Variants in SUCLG2 observed in about 807,000 individuals in gnomAD.
The protein encoded by SUCLG2 is succinate-CoA ligase GDP-forming subunit beta.
In SUCLG2, 42 loss-of-function variants were observed where a neutral mutation model predicts 47.9. That is an observed-to-expected ratio of 0.88 (90% CI 0.69 to 1.14). The LOEUF (loss-of-function observed/expected upper bound fraction) is 1.14. Among genes scored for constraint, SUCLG2 ranks in the 50% most tolerant of loss-of-function variants. SUCLG2 has a pLI of 0.00. For synonymous variants in SUCLG2, 195 were observed against 197.3 expected (o/e 0.99, Z 0.10); for missense variants, 571 against 525.9 (o/e 1.09, Z -0.84).
chr3:67,641,971 G>A lies in SUCLG2; in HGVS notation c.84+12532C>T, dbSNP rs145829487. Among the ~76,000 whole-genome samples, 1,025 of 152,218 alleles carry A rather than the reference G, an allele frequency of 6.7e-3. 11 individuals carry two copies. Among genetic ancestry groups the A allele is most frequent in the African/African-American group, 0.024 (993 of 41,528 alleles). ...GCTTTCTCCCTGGGCGTGTGTGCCC[G>A]AGTATAAATTTTCTCTTTTTATAAA... On this transcript the variant is annotated intron_variant, in intron 1 of 10. Transcript: ENST00000307227.
At chr3:67,553,216 A>G (rs1707064363) in intron 2 of SUCLG2, among the ~76,000 whole-genome samples, 1 of 152,168 alleles carries the variant, frequency 6.6e-6, no homozygotes, top group South Asian at 2.1e-4. Flanking sequence ...TTGGCATCCA[A>G]TGTGGCATCC....
At chr3:67,404,845 A>G (rs779301083) in intron 9 of SUCLG2, among the ~76,000 whole-genome samples, 5 of 152,308 alleles carry the variant, frequency 3.3e-5, no homozygotes, top group Non-Finnish European at 7.3e-5. Flanking sequence ...AGCATTTATA[A>G]AGCATGTCAA....
chr3:67,604,978 T>C (rs576700357), intron 2 of SUCLG2, among the ~76,000 whole-genome samples: 1 of 152,182 alleles, frequency 6.6e-6, no homozygotes, highest in Non-Finnish European at 1.5e-5. Flanking sequence ...ATTAACAGGA[T>C]AGTTATTACG....
rs79922990 is a variant in SUCLG2, at chr3:67,533,447, C to T, written c.227-4261G>A. ...TATCCAGTTCTCAGCACAACTGCAT[C>T]GTGTAATATGTAGCATGGCAATCAC... On this transcript the variant is annotated intron_variant, in intron 2 of 10. Coordinates refer to ENST00000307227, the MANE Select transcript of SUCLG2 (RefSeq NM_003848.4). 5.3e-3 allele frequency among the ~76,000 whole-genome samples: 807 copies of T among 152,226 alleles called. 7 individuals are homozygous for T. Among genetic ancestry groups the T allele is most frequent in the African/African-American group, 0.018 (743 of 41,546 alleles).
chr3:67,478,994 A>G (rs1272624505), intron 9 of SUCLG2, among the ~76,000 whole-genome samples: 2 of 152,232 alleles, frequency 1.3e-5, no homozygotes, highest in African/African-American at 4.8e-5. Context: ...AGAGCTAGAG[A>G]TGCCCAGGAT....
chr3:67,552,634 C>T (rs1707047492), intron 2 of SUCLG2, among the ~76,000 whole-genome samples: 1 of 152,332 alleles, frequency 6.6e-6, no homozygotes, highest in South Asian at 2.1e-4. Context: ...TCAACTCTTT[C>T]TACTTAGCTG....
At chr3:67,450,759 T>C (rs1199523408) in intron 9 of SUCLG2, among the ~76,000 whole-genome samples, 2 of 152,246 alleles carry the variant, frequency 1.3e-5, no homozygotes, top group Non-Finnish European at 2.9e-5. Context: ...TTGTAAAAGA[T>C]AACAACATCA....
At chr3:67,480,995 A>G (rs749560068) in intron 9 of SUCLG2, among the ~76,000 whole-genome samples, 2 of 150,554 alleles carry the variant, frequency 1.3e-5, no homozygotes, top group African/African-American at 2.4e-5. Context: ...TTTGGCATCA[A>G]GATGTACAAT....
At chr3:67,437,069 T>C (rs1289055561) in intron 9 of SUCLG2, among the ~76,000 whole-genome samples, 1 of 152,218 alleles carries the variant, frequency 6.6e-6, no homozygotes, top group African/African-American at 2.4e-5. Context: ...ATTATTAATT[T>C]TGTATATTTC....
chr3:67,605,206 C>T (rs1700387176), intron 2 of SUCLG2, among the ~76,000 whole-genome samples: 1 of 152,160 alleles, frequency 6.6e-6, no homozygotes, highest in African/African-American at 2.4e-5. Flanking sequence ...AAGATGTGTG[C>T]ATAATCCAGT....
intron 5 of SUCLG2, 67 bp downstream of exon 5, chr3:67,520,415 A>G (rs1706064281): frequency 6.2e-7 from 1 of 1,606,628 alleles, no homozygotes; most frequent in Non-Finnish European, 8.5e-7. Context: ...TAGACTCCCC[A>G]TTAAATATTT....
At chr3:67,427,638 T>C (rs548954374) in intron 9 of SUCLG2, among the ~76,000 whole-genome samples, 10 of 152,184 alleles carry the variant, frequency 6.6e-5, no homozygotes, top group African/African-American at 2.2e-4. Flanking sequence ...GTGCAGCCCA[T>C]GGAGCACGAG....
At position 67,537,552 on chromosome 3, in the gene SUCLG2, T is replaced by C. The variant is rs546954805; in HGVS notation, c.227-8366A>G. On this transcript the variant is annotated intron_variant, in intron 2 of 10. Coordinates refer to ENST00000307227, the MANE Select transcript of SUCLG2 (RefSeq NM_003848.4). ...CATACGTGTGCATGTGTCTATATAG[T>C]AGAATGATTTATAATCCTTTGGGTA... 1.1e-3 allele frequency among the ~76,000 whole-genome samples: 167 copies of C among 152,318 alleles called. 1 individual carries two copies. The highest frequency in any genetic ancestry group is 1.8e-3 in the Non-Finnish European group (125 of 68,014).
At chr3:67,395,518 T>C (rs531702926) in intron 10 of SUCLG2, among the ~76,000 whole-genome samples, 13 of 152,152 alleles carry the variant, frequency 8.5e-5, no homozygotes, top group Non-Finnish European at 1.6e-4. Flanking sequence ...CCCAGATTCA[T>C]AAAGCAAGTC....
At chr3:67,408,956 C>A (rs1422595812) in intron 9 of SUCLG2, 1 of 1,534,524 alleles carries the variant, frequency 6.5e-7, no homozygotes, top group African/African-American at 1.4e-5. Context: ...CCATATTGGT[C>A]CTATTTCCAA....
At chr3:67,636,234 A>C (rs1021069395) in intron 1 of SUCLG2, among the ~76,000 whole-genome samples, 111 of 152,336 alleles carry the variant, frequency 7.3e-4, no homozygotes, top group Middle Eastern at 3.4e-3. Context: ...GGGATGAACA[A>C]ACTATGCAGA....
intron 10 of SUCLG2, among the ~76,000 whole-genome samples, chr3:67,392,051 G>A (rs1345902599): frequency 6.6e-6 from 1 of 152,026 alleles, no homozygotes; most frequent in Non-Finnish European, 1.5e-5. Flanking sequence ...CTGTATGTTT[G>A]AGTCTCATTG....
At position 67,529,202 on chromosome 3, in the gene SUCLG2, C is replaced by G. The variant is rs181934671; in HGVS notation, c.227-16G>C. 4 of 1,593,948 alleles carry G rather than the reference C, an allele frequency of 2.5e-6. No individual in the cohort carries two copies. In the Admixed American group the frequency reaches 5.3e-5, roughly 21 times the overall value. On this transcript the variant is annotated splice_polypyrimidine_tract_variant and intron_variant, in intron 2 of 10. Coordinates refer to ENST00000307227, the MANE Select transcript of SUCLG2 (RefSeq NM_003848.4). ...TCTTTTGCATCTGAAAAAGAAAAAT[C>G]CAGAGTTGGTAGCTGATTTTAAATT...
At chr3:67,631,105 T>C (rs1033406869) in intron 1 of SUCLG2, among the ~76,000 whole-genome samples, 7 of 151,952 alleles carry the variant, frequency 4.6e-5, no homozygotes, top group Admixed American at 4.6e-4. Context: ...GCACTGAGAG[T>C]CCCACAGGAG....
Sources: allele counts gnomAD v4.1 joint callset (sites outside exome capture counted in the v4.1 genomes callset), GRCh38; gene constraint gnomAD v4.1.1; transcripts MANE v1.5; gene names NCBI Gene and HGNC (gene_info 2026-07-23, HGNC 2026-07-21).